Variants in DCP1A observed in about 807,000 individuals in gnomAD.
The protein encoded by DCP1A is mRNA-decapping enzyme 1A.
A neutral mutation model predicts 58.0 loss-of-function variants in DCP1A; 20 were observed. That is an observed-to-expected ratio of 0.34 (90% confidence interval 0.24 to 0.50). The LOEUF (loss-of-function observed/expected upper bound fraction) is 0.50. Ranked by LOEUF, DCP1A falls within the 20% of genes least tolerant of loss-of-function variation. DCP1A has a pLI of 0.98. For synonymous variants in DCP1A, 285 were observed against 275.1 expected, an observed-to-expected ratio of 1.04 and a Z score of -0.36; for missense variants, 613 against 712.2, an observed-to-expected ratio of 0.86 and a Z score of 1.59.
At chr3:53,309,582 G>C (rs560902128) in intron 5 of DCP1A, among the ~76,000 whole-genome samples, 133 of 152,204 alleles carry the variant, frequency 8.7e-4, no homozygotes, top group African/African-American at 3.1e-3. Context: ...GGGCAACATA[G>C]TGAGACTCTA....
At chr3:53,334,325 C>A (rs1467877298) in intron 3 of DCP1A, among the ~76,000 whole-genome samples, 1 of 152,004 alleles carries the variant, frequency 6.6e-6, no homozygotes, top group East Asian at 1.9e-4. Flanking sequence ...TAGGCAAATT[C>A]TATATGTTTA....
At chr3:53,328,441 T>C (rs1472374097) in intron 3 of DCP1A, among the ~76,000 whole-genome samples, 1 of 152,122 alleles carries the variant, frequency 6.6e-6, no homozygotes, top group Non-Finnish European at 1.5e-5. Flanking sequence ...AAGTATTGAA[T>C]ATTTAACATA....
chr3:53,310,138 A>G (rs782005195), intron 5 of DCP1A, among the ~76,000 whole-genome samples: 1 of 152,274 alleles, frequency 6.6e-6, no homozygotes, highest in African/African-American at 2.4e-5. Flanking sequence ...CACATGATAA[A>G]GTAAATATCA....
intron 8 of DCP1A, among the ~76,000 whole-genome samples, chr3:53,290,017 G>A (rs906753083): frequency 6.6e-6 from 1 of 152,200 alleles, no homozygotes; most frequent in African/African-American, 2.4e-5. Flanking sequence ...TCCAAGACCA[G>A]TCAGGTGCTG....
chr3:53,292,830 G>A lies in DCP1A; in HGVS notation c.625-3C>T. 6.3e-7 allele frequency: 1 copy of A among 1,595,892 alleles called. No individual in the cohort carries two copies. Among genetic ancestry groups the A allele is most frequent in the Non-Finnish European group, 8.5e-7 (1 of 1,175,514 alleles). On this transcript the variant is annotated splice_region_variant and splice_polypyrimidine_tract_variant and intron_variant, in intron 6 of 9. Transcript: ENST00000610213. ...TGCTTGTGTCCAGATGGAGCAGACT[G>A]AAAAACAAATGAAACCACCCAGTCA... is the stretch of plus-strand genomic sequence containing the variant.
At chr3:53,310,135 T>C (rs1427270965) in intron 5 of DCP1A, among the ~76,000 whole-genome samples, 2 of 152,220 alleles carry the variant, frequency 1.3e-5, no homozygotes, top group Admixed American at 6.5e-5. Flanking sequence ...GAACACATGA[T>C]AAAGTAAATA....
chr3:53,302,550 T>C (rs1482852540), intron 6 of DCP1A, among the ~76,000 whole-genome samples: 1 of 152,214 alleles, frequency 6.6e-6, no homozygotes, highest in African/African-American at 2.4e-5. Flanking sequence ...CCATCTTAGC[T>C]GGTTAGAAAC....
chr3:53,347,123 C>A (rs2089300922), intron 1 of DCP1A, among the ~76,000 whole-genome samples: 1 of 152,178 alleles, frequency 6.6e-6, no homozygotes, highest in Admixed American at 6.5e-5. Context: ...AGACCCGACG[C>A]CAAGGGACTG....
chr3:53,324,718 T>C (rs1553690396), intron 3 of DCP1A, among the ~76,000 whole-genome samples: 1 of 152,208 alleles, frequency 6.6e-6, no homozygotes, highest in Non-Finnish European at 1.5e-5. Context: ...TTGCATAGGA[T>C]AGACAAGTCA....
chr3:53,302,986 C>A (rs1230237667), intron 6 of DCP1A, among the ~76,000 whole-genome samples: 2 of 150,658 alleles, frequency 1.3e-5, no homozygotes, highest in Non-Finnish European at 3.0e-5. Flanking sequence ...CCTTGCTCTG[C>A]TACCCAGGCT....
At chr3:53,309,850 C>G (rs1466577179) in intron 5 of DCP1A, among the ~76,000 whole-genome samples, 1 of 152,244 alleles carries the variant, frequency 6.6e-6, no homozygotes, top group Non-Finnish European at 1.5e-5. Context: ...ATAGCGGAGA[C>G]TCAGAATCAG....
At position 53,318,060 on chromosome 3, in the gene DCP1A, T is replaced by C. The variant is rs147209873; in HGVS notation, c.371+1347A>G. Among the ~76,000 whole-genome samples the C allele has an allele frequency of 1.0e-2, 1,518 of 152,336 alleles. 20 individuals are homozygous for C. The highest frequency in any genetic ancestry group is 0.034 in the African/African-American group (1,402 of 41,578). On this transcript the variant is annotated intron_variant, in intron 4 of 9. Coordinates refer to ENST00000610213, the MANE Select transcript of DCP1A (RefSeq NM_018403.7). The stretch of plus-strand genomic sequence containing the variant: ...GGCTCACGCCTATAATCCCAGCACT[T>C]TGGGAGGCCAAGGTGGGAGGAACGC...
At chr3:53,344,838 G>A in intron 2 of DCP1A, 64 bp downstream of exon 2, 1 of 1,240,170 alleles carries the variant, frequency 8.1e-7, no homozygotes, top group Admixed American at 2.0e-5. Flanking sequence ...CAAGAGAATT[G>A]AACCGTTTCA....
intron 6 of DCP1A, among the ~76,000 whole-genome samples, chr3:53,299,514 T>C (rs1048403860): frequency 1.3e-5 from 2 of 152,236 alleles, no homozygotes; most frequent in Admixed American, 6.5e-5. Flanking sequence ...GGAGAATTGA[T>C]GTTTAGAGAA....
intron 5 of DCP1A, among the ~76,000 whole-genome samples, chr3:53,310,120 A>C (rs1707599786): frequency 6.6e-6 from 1 of 152,244 alleles, no homozygotes; most frequent in Non-Finnish European, 1.5e-5. Context: ...TTTCAAAATC[A>C]GAAAGAACAC....
At chr3:53,321,183 G>A (rs1479227977) in intron 3 of DCP1A, among the ~76,000 whole-genome samples, 3 of 152,228 alleles carry the variant, frequency 2.0e-5, no homozygotes, top group Admixed American at 1.3e-4. Flanking sequence ...TGCTGCTGCT[G>A]TTCTGCCAGT....
Position 53,286,257 on chromosome 3 carries a change from A to C in DCP1A, c.*1323T>G, listed in dbSNP as rs1315973077. 1 of 152,250 alleles carries C rather than the reference A, an allele frequency of 6.6e-6. No individual in the cohort carries two copies. Among genetic ancestry groups the C allele is most frequent in the African/African-American group, 2.4e-5 (1 of 41,458 alleles). The allele number at this position is 152,250 out of a possible 1,614,324, so 9.4% of individuals were successfully genotyped here. ...ATCCTTATGCTAGCTGGTTGAGCCA[A>C]TTGGGTTTTTACCCCATCATTAAAT... On this transcript the variant is annotated 3_prime_UTR_variant, in exon 10 of 10. Transcript: ENST00000610213.
At chr3:53,327,841 G>A (rs1212030514) in intron 3 of DCP1A, among the ~76,000 whole-genome samples, 7 of 151,338 alleles carry the variant, frequency 4.6e-5, no homozygotes, top group African/African-American at 1.7e-4. Flanking sequence ...CAAAAACAAA[G>A]GCCGGGCGTG....
At chr3:53,332,399 C>T (rs1237247338) in intron 3 of DCP1A, among the ~76,000 whole-genome samples, 1 of 152,186 alleles carries the variant, frequency 6.6e-6, no homozygotes, top group Non-Finnish European at 1.5e-5. Context: ...TTTAAATTTA[C>T]AGGCAAAAGT....
Sources: gnomAD v4.1 joint callset for allele counts (sites outside exome capture counted in the v4.1 genomes callset) on GRCh38, gnomAD v4.1.1 for gene constraint, MANE v1.5 for transcripts, NCBI Gene and HGNC (gene_info 2026-07-23, HGNC 2026-07-21) for gene names.